Variants in KCNIP4 observed in about 807,000 individuals in gnomAD.
KCNIP4 encodes the protein Kv channel-interacting protein 4.
A neutral mutation model predicts 34.0 loss-of-function variants in KCNIP4; 12 were observed. The observed-to-expected ratio is 0.35, with a 90% CI of 0.23 to 0.57. KCNIP4 has a LOEUF of 0.57. KCNIP4 is among the 20% of genes least tolerant of loss of function. KCNIP4 has a pLI of 0.83. For synonymous variants in KCNIP4, 124 were observed against 102.2 expected (o/e 1.21, Z -1.29); for missense variants, 238 against 311.7 (o/e 0.76, Z 1.78).
intron 1 of KCNIP4, among the ~76,000 whole-genome samples, chr4:21,789,679 C>T (rs1162223236): frequency 6.6e-6 from 1 of 152,158 alleles, no homozygotes; most frequent in African/African-American, 2.4e-5. Flanking sequence ...TTTCTTATAT[C>T]GTTTCCTAAA....
At chr4:21,751,236 AG>A (rs1483415938) in intron 1 of KCNIP4, among the ~76,000 whole-genome samples, 1 of 152,198 alleles carries the variant, frequency 6.6e-6, no homozygotes, top group East Asian at 1.9e-4. Flanking sequence ...AAAACATAAC[AG>A]CAAATACCAT....
chr4:20,737,457 T>C (rs552667460), intron 5 of KCNIP4, among the ~76,000 whole-genome samples: 4 of 152,278 alleles, frequency 2.6e-5, no homozygotes, highest in African/African-American at 7.2e-5. Context: ...AGAAATGGGC[T>C]GTGCTCTTGA....
chr4:21,166,865 G>A (rs916118602), intron 1 of KCNIP4, among the ~76,000 whole-genome samples: 24 of 149,606 alleles, frequency 1.6e-4, no homozygotes, highest in African/African-American at 4.9e-4. Context: ...CTTGAACCTG[G>A]GAGGTGGAGG....
intron 1 of KCNIP4, among the ~76,000 whole-genome samples, chr4:21,761,332 CTT>C (rs1718036303): frequency 6.6e-6 from 1 of 152,032 alleles, no homozygotes; most frequent in Non-Finnish European, 1.5e-5. Flanking sequence ...TCTTTGTGTA[CTT>C]TTTTGTAAAT....
intron 1 of KCNIP4, among the ~76,000 whole-genome samples, chr4:21,816,262 C>T (rs1301445540): frequency 6.6e-6 from 1 of 152,074 alleles, no homozygotes; most frequent in Non-Finnish European, 1.5e-5. Context: ...GATGGCTCTC[C>T]AAGATAAAAT....
intron 1 of KCNIP4, among the ~76,000 whole-genome samples, chr4:21,660,276 A>G (rs761107486): frequency 4.5e-4 from 69 of 152,134 alleles, no homozygotes; most frequent in Non-Finnish European, 7.1e-4. Context: ...ATCATTCTTC[A>G]TATCTCCTAA....
At chr4:21,135,777 A>G (rs998969694) in intron 1 of KCNIP4, among the ~76,000 whole-genome samples, 1 of 152,332 alleles carries the variant, frequency 6.6e-6, no homozygotes, top group East Asian at 1.9e-4. Flanking sequence ...AGGTTTACCC[A>G]GGCTCTGCCA....
At chr4:20,935,276 C>G (rs1730947466) in intron 1 of KCNIP4, among the ~76,000 whole-genome samples, 1 of 152,144 alleles carries the variant, frequency 6.6e-6, no homozygotes, top group Admixed American at 6.5e-5. Flanking sequence ...ATGAGGAAGT[C>G]AGTGGGGTAT....
chr4:21,702,640 C>A (rs1577873463), intron 1 of KCNIP4, among the ~76,000 whole-genome samples: 1 of 151,078 alleles, frequency 6.6e-6, no homozygotes, highest in African/African-American at 2.4e-5. Context: ...AACTTCAGAC[C>A]ACATGGTTTC....
At chr4:21,112,025 G>GAA (rs1749227338) in intron 1 of KCNIP4, among the ~76,000 whole-genome samples, 1 of 114,730 alleles carries the variant, frequency 8.7e-6, no homozygotes. Flanking sequence ...TCCTTTCTCT[G>GAA]TATCTATCTA....
chr4:20,921,964 C>T (rs558196992), intron 1 of KCNIP4, among the ~76,000 whole-genome samples: 4 of 152,256 alleles, frequency 2.6e-5, no homozygotes, highest in Non-Finnish European at 4.4e-5. Context: ...TTTTTTATCT[C>T]AATTAAAAAT....
chr4:21,554,815 G>T (rs1233775949), intron 1 of KCNIP4, among the ~76,000 whole-genome samples: 1 of 152,038 alleles, frequency 6.6e-6, no homozygotes, highest in Non-Finnish European at 1.5e-5. Flanking sequence ...TGACTGTACA[G>T]TTCTTTATGG....
rs183521262 is a variant in KCNIP4, at chr4:20,873,907, C to T, written c.163+8701G>A. Among the ~76,000 whole-genome samples, 263 of 152,286 alleles carry T rather than the reference C, an allele frequency of 1.7e-3. 2 individuals carry two copies. Among genetic ancestry groups the T allele is most frequent in the African/African-American group, 5.9e-3 (244 of 41,568 alleles). On this transcript the variant is annotated intron_variant, in intron 2 of 8. Transcript: ENST00000382152. ...TTTATCTTTTGAAGTACCTAGAATG[C>T]TCCTCCTTTTTTTCCCCTCTGATGA...
intron 3 of KCNIP4, chr4:20,767,249 T>C (rs1300189076): frequency 6.6e-6 from 1 of 152,170 alleles, no homozygotes; most frequent in African/African-American, 2.4e-5. Flanking sequence ...TCTAGTGTTA[T>C]AAGTTGAATC....
intron 4 of KCNIP4, among the ~76,000 whole-genome samples, chr4:20,751,174 T>C (rs1753553427): frequency 6.6e-6 from 1 of 152,218 alleles, no homozygotes; most frequent in East Asian, 1.9e-4. Flanking sequence ...CTTTTTAATA[T>C]GCTATGAAGA....
At chr4:21,827,024 A>G (rs976017123) in intron 1 of KCNIP4, among the ~76,000 whole-genome samples, 1 of 152,114 alleles carries the variant, frequency 6.6e-6, no homozygotes, top group Non-Finnish European at 1.5e-5. Context: ...AATGATGTGT[A>G]GAGTTACTGC....
intron 1 of KCNIP4, among the ~76,000 whole-genome samples, chr4:21,766,024 T>C (rs1295870939): frequency 6.6e-6 from 1 of 151,998 alleles, no homozygotes; most frequent in South Asian, 2.1e-4. Flanking sequence ...GGACCAGGAT[T>C]GTAGATTTCT....
intron 1 of KCNIP4, among the ~76,000 whole-genome samples, chr4:21,119,171 C>G (rs571084770): frequency 6.6e-6 from 1 of 151,948 alleles, no homozygotes; most frequent in Non-Finnish European, 1.5e-5. Flanking sequence ...TGAGAAAGGG[C>G]GGAGCTCAGG....
At chr4:20,731,889 T>G in intron 8 of KCNIP4, 117 bp downstream of exon 8, 1 of 1,480,064 alleles carries the variant, frequency 6.8e-7, no homozygotes, top group South Asian at 1.4e-5. Context: ...GTTGTAGAAG[T>G]GGTAAACTTA....
Sources: allele counts gnomAD v4.1 joint callset (sites outside exome capture counted in the v4.1 genomes callset), GRCh38; gene constraint gnomAD v4.1.1; transcripts MANE v1.5; gene names NCBI Gene and HGNC (gene_info 2026-07-23, HGNC 2026-07-21).